HIVEP3: variants seen among roughly 807,000 people sequenced by gnomAD.
HIVEP3 encodes transcription factor HIVEP3.
In HIVEP3, 49 loss-of-function variants were observed where a neutral mutation model predicts 152.8. The observed-to-expected ratio is 0.32, with a 90% CI of 0.26 to 0.41. The LOEUF is 0.41. HIVEP3 is among the 10% of genes least tolerant of loss of function. The pLI, the probability that HIVEP3 is intolerant of heterozygous loss-of-function variation, is 1.00. For synonymous variants in HIVEP3, 1,269 were observed against 1,289.0 expected (o/e 0.98, Z 0.33); for missense variants, 2,790 against 3,103.3 (o/e 0.90, Z 2.40).
intron 5 of HIVEP3, among the ~76,000 whole-genome samples, chr1:41,530,245 C>T (rs115810771): frequency 1.2e-3 from 187 of 152,372 alleles, no homozygotes; most frequent in African/African-American, 4.0e-3. Context: ...ATCCAGGACA[C>T]GCGCCACCTT....
intron 1 of HIVEP3, among the ~76,000 whole-genome samples, chr1:41,804,801 G>A (rs1250466907): frequency 6.6e-6 from 1 of 152,136 alleles, no homozygotes; most frequent in Non-Finnish European, 1.5e-5. Context: ...TGGATTAGAG[G>A]AGTTACTCAC....
chr1:41,807,291 C>T (rs901969959), intron 1 of HIVEP3, among the ~76,000 whole-genome samples: 1 of 152,036 alleles, frequency 6.6e-6, no homozygotes, highest in Non-Finnish European at 1.5e-5. Context: ...GGGCAGAAGA[C>T]GATGAAGGGA....
At chr1:41,607,663 T>C (rs577673846) in intron 3 of HIVEP3, among the ~76,000 whole-genome samples, 4 of 152,352 alleles carry the variant, frequency 2.6e-5, no homozygotes, top group African/African-American at 9.6e-5. Context: ...TGTTTGGTGA[T>C]TTTGGTTATC....
intron 1 of HIVEP3, among the ~76,000 whole-genome samples, chr1:41,728,049 T>C (rs975044919): frequency 2.0e-5 from 3 of 152,144 alleles, no homozygotes; most frequent in Admixed American, 6.5e-5. Context: ...TGAACAAGAA[T>C]GCATCAACGC....
chr1:41,723,374 C>G (rs1032701437), intron 1 of HIVEP3, among the ~76,000 whole-genome samples: 2 of 151,952 alleles, frequency 1.3e-5, no homozygotes, highest in Non-Finnish European at 1.5e-5. Flanking sequence ...AACGGAAAGT[C>G]ATGGAATTCT....
intron 2 of HIVEP3, among the ~76,000 whole-genome samples, chr1:41,648,786 C>T (rs1645501107): frequency 6.6e-6 from 1 of 152,258 alleles, no homozygotes; most frequent in Non-Finnish European, 1.5e-5. Flanking sequence ...AAGTCATGGC[C>T]TCTGCCACTG....
Position 41,541,355 on chromosome 1 carries a change from A to G in HIVEP3, c.5208-16445T>C, listed in dbSNP as rs181467627. The stretch of plus-strand genomic sequence containing the variant: ...AAGTGGGTTTTCCTTGCAGCGAGCT[A>G]TTTAGGGATGCCTGTTGTGAGTCCT... On this transcript the variant is annotated intron_variant, in intron 5 of 8. Transcript: ENST00000372583. 4.9e-4 allele frequency among the ~76,000 whole-genome samples: 75 copies of G among 152,254 alleles called. No individual in the cohort carries two copies. The East Asian group carries it at 0.014, about 29-fold the overall frequency.
At chr1:41,836,343 C>T (rs927419093) in intron 1 of HIVEP3, among the ~76,000 whole-genome samples, 4 of 152,166 alleles carry the variant, frequency 2.6e-5, no homozygotes, top group African/African-American at 9.7e-5. Flanking sequence ...AGGAGAAGGA[C>T]AGGCAGAGAG....
intron 1 of HIVEP3, among the ~76,000 whole-genome samples, chr1:41,865,312 G>A (rs1432613077): frequency 6.6e-6 from 1 of 152,182 alleles, no homozygotes; most frequent in Non-Finnish European, 1.5e-5. Context: ...CCAATGAGCT[G>A]GACCCACTGT....
chr1:41,964,322 C>T (rs1645186306), intron 1 of HIVEP3, among the ~76,000 whole-genome samples: 1 of 152,136 alleles, frequency 6.6e-6, no homozygotes, highest in African/African-American at 2.4e-5. Flanking sequence ...GAAAGGGGAG[C>T]TCCCAGCCCC....
intron 6 of HIVEP3, among the ~76,000 whole-genome samples, chr1:41,519,276 CTT>C (rs1642694779): frequency 6.6e-6 from 1 of 152,216 alleles, no homozygotes; most frequent in Non-Finnish European, 1.5e-5. Flanking sequence ...GGGAGGCTGA[CTT>C]TGCCCCAAGT....
At chr1:41,796,940 C>T (rs1650018411) in intron 1 of HIVEP3, among the ~76,000 whole-genome samples, 1 of 152,214 alleles carries the variant, frequency 6.6e-6, no homozygotes, top group South Asian at 2.1e-4. Flanking sequence ...TTTCTTTTCT[C>T]TCTCCTGCTG....
intron 3 of HIVEP3, among the ~76,000 whole-genome samples, chr1:41,614,695 A>T (rs1644942712): frequency 6.6e-6 from 1 of 152,228 alleles, no homozygotes; most frequent in Admixed American, 6.5e-5. Context: ...ATGAAAGACC[A>T]GAAGGGATGG....
At chr1:42,015,105 G>A (rs977059648) in intron 1 of HIVEP3, among the ~76,000 whole-genome samples, 3 of 152,122 alleles carry the variant, frequency 2.0e-5, no homozygotes, top group Admixed American at 6.6e-5. Flanking sequence ...GGAAATCCCC[G>A]GGGCTCATGG....
At chr1:41,639,479 C>T (rs984650273) in intron 2 of HIVEP3, among the ~76,000 whole-genome samples, 3 of 152,180 alleles carry the variant, frequency 2.0e-5, no homozygotes, top group Admixed American at 1.3e-4. Context: ...GGATCAGATG[C>T]GACAAAGTGT....
chr1:41,588,493 C>G (rs1570027099), intron 3 of HIVEP3, among the ~76,000 whole-genome samples: 3 of 152,134 alleles, frequency 2.0e-5, no homozygotes, highest in Admixed American at 6.5e-5. Context: ...CGCCCAGCAG[C>G]TGGGGTTTGG....
rs746848465 is a variant in HIVEP3 at position 41,510,847 on chromosome 1, G to A, written c.6825C>T (p.Pro2275=). The stretch of plus-strand genomic sequence containing the variant: ...CTCCGCCGGTCCTCTCCCTCTCCTT[G>A]GGGTAGTCCCCGCCCTCCAGCTCTG... ...LSSELEGGDY[P]KERERTGGGP... is the part of the protein sequence containing the mutation. Residue 2275 remains proline (P), a synonymous_variant, in exon 9 of 9, where the codon CCC becomes CCT. Coordinates refer to ENST00000372583, the MANE Select transcript of HIVEP3 (RefSeq NM_024503.5). 4 of 1,613,266 alleles carry A rather than the reference G, an allele frequency of 2.5e-6. No individual in the cohort carries two copies. The highest frequency in any genetic ancestry group is 3.4e-6 in the Non-Finnish European group (4 of 1,179,864).
intron 1 of HIVEP3, among the ~76,000 whole-genome samples, chr1:41,779,828 G>C (rs987697691): frequency 3.9e-5 from 6 of 152,190 alleles, no homozygotes; most frequent in Non-Finnish European, 7.3e-5. Context: ...AGGGTGACCA[G>C]AATTGGGTGC....
At chr1:41,955,604 A>T (rs1188995547) in intron 1 of HIVEP3, among the ~76,000 whole-genome samples, 15 of 152,250 alleles carry the variant, frequency 9.9e-5, no homozygotes, top group Admixed American at 9.2e-4. Flanking sequence ...AGAAGAGGCA[A>T]CTAAGGCCTC....
Sources: gnomAD v4.1 joint callset for allele counts (sites outside exome capture counted in the v4.1 genomes callset) on GRCh38, gnomAD v4.1.1 for gene constraint, MANE v1.5 for transcripts, NCBI Gene and HGNC (gene_info 2026-07-23, HGNC 2026-07-21) for gene names.